The following DSG4 variants were observed in gnomAD, a reference collection of about 807,000 sequenced individuals.
DSG4 encodes the protein desmoglein 4.
A neutral mutation model predicts 93.1 loss-of-function variants in DSG4; 87 were observed. The ratio of observed to expected loss-of-function variants is 0.93; its 90% CI spans 0.79 to 1.12. DSG4 has a LOEUF of 1.12. DSG4 is among the 50% of genes most tolerant of loss of function. The pLI, the probability that DSG4 is intolerant of heterozygous loss-of-function variation, is 0.00. For missense variants in DSG4, 1,373 were observed against 1,285.7 expected (o/e 1.07, Z -1.04); for synonymous variants, 432 against 452.9 (o/e 0.95, Z 0.59).
chr18:31,379,294 T>G (rs951592299), intron 1 of DSG4, among the ~76,000 whole-genome samples: 1 of 152,206 alleles, frequency 6.6e-6, no homozygotes. Context: ...CATGTGAGAA[T>G]GTATGGTTAG....
chr18:31,380,798 C>T lies in DSG4; in HGVS notation c.48+3839C>T, dbSNP rs1477482462. Among the ~76,000 whole-genome samples the T allele has an allele frequency of 2.0e-5, 3 of 152,240 alleles. No individual in the cohort carries two copies. The East Asian group carries it at 5.8e-4, about 29-fold the overall frequency. ...GTAAGTCATAGAGATGAAACAGTAG[C>T]CTTGTTCTGTAGCTACTACTTTAAA... On this transcript the variant is annotated intron_variant, in intron 1 of 15. Coordinates refer to ENST00000308128, the MANE Select transcript of DSG4 (RefSeq NM_177986.5).
At chr18:31,405,968 T>A in intron 11 of DSG4, 109 bp from the exon 12 acceptor site, 2 of 1,222,590 alleles carry the variant, frequency 1.6e-6, no homozygotes, top group South Asian at 2.6e-5. Flanking sequence ...TAAGAAAGCA[T>A]GAAAAATCTA....
chr18:31,393,358 A>G (rs1194476857), intron 8 of DSG4, among the ~76,000 whole-genome samples: 1 of 152,196 alleles, frequency 6.6e-6, no homozygotes, highest in Non-Finnish European at 1.5e-5. Context: ...TATAAAGAAA[A>G]GAGGTTCAGT....
chr18:31,391,683 C>CA (rs2072251676), intron 7 of DSG4, among the ~76,000 whole-genome samples: 1 of 147,320 alleles, frequency 6.8e-6, no homozygotes. Context: ...AACAAAAAAA[C>CA]AAAACAAAAA....
At position 31,400,862 on chromosome 18, in the gene DSG4, C is replaced by T. The variant is rs776581305; in HGVS notation, c.1278-19C>T. 1 of 1,610,268 alleles carries T rather than the reference C, an allele frequency of 6.2e-7. No homozygotes were observed. Among genetic ancestry groups the T allele is most frequent in the East Asian group, 2.2e-5 (1 of 44,682 alleles). On this transcript the variant is annotated intron_variant, in intron 9 of 15. Coordinates refer to ENST00000308128, the MANE Select transcript of DSG4 (RefSeq NM_177986.5). ...ACTTTCATAAAAGCATGATAACGAA[C>T]TTTTTTATTTAAAAACAGATATATC...
At chr18:31,409,716 GT>G in intron 13 of DSG4, 28 bp from the exon 14 acceptor site, 1 of 1,614,050 alleles carries the variant, frequency 6.2e-7, no homozygotes, top group Non-Finnish European at 8.5e-7. Flanking sequence ...TAAAGCGTTT[GT>G]TTTTAAAATG....
intron 14 of DSG4, among the ~76,000 whole-genome samples, chr18:31,410,840 A>G (rs982732715): frequency 4.6e-5 from 7 of 152,180 alleles, no homozygotes; most frequent in African/African-American, 9.7e-5. Flanking sequence ...TCCGGAGTGA[A>G]GGAGGACTAT....
At chr18:31,405,119 A>G (rs1165515532) in intron 11 of DSG4, among the ~76,000 whole-genome samples, 3 of 152,218 alleles carry the variant, frequency 2.0e-5, no homozygotes, top group Non-Finnish European at 4.4e-5. Context: ...TGAGGATAAT[A>G]AACCATCATA....
intron 8 of DSG4, among the ~76,000 whole-genome samples, chr18:31,398,351 G>A (rs899922132): frequency 2.6e-5 from 4 of 152,134 alleles, no homozygotes; most frequent in Non-Finnish European, 5.9e-5. Context: ...GTAAATTTCT[G>A]TGAATGTTTT....
chr18:31,400,604 A>C (rs1425280465), intron 9 of DSG4, among the ~76,000 whole-genome samples: 1 of 152,106 alleles, frequency 6.6e-6, no homozygotes, highest in Non-Finnish European at 1.5e-5. Flanking sequence ...CTATGATTTA[A>C]TAAATAGAGC....
chr18:31,388,354 A>AT lies in DSG4; in HGVS notation c.217-8dup. 1 of 1,612,512 alleles carries AT rather than the reference A, an allele frequency of 6.2e-7. No individual in the cohort carries two copies. The highest frequency in any genetic ancestry group is 8.5e-7 in the Non-Finnish European group (1 of 1,179,204). ...TCTAAACTGGATCACAATCCTAGCT[A>AT]TTTTTCTTATAGATTCGATCAGACT... On this transcript the variant is annotated splice_polypyrimidine_tract_variant and intron_variant, in intron 3 of 15. Coordinates refer to ENST00000308128, the MANE Select transcript of DSG4 (RefSeq NM_177986.5).
At chr18:31,401,954 C>T (rs986325699) in intron 10 of DSG4, among the ~76,000 whole-genome samples, 1 of 151,960 alleles carries the variant, frequency 6.6e-6, no homozygotes, top group African/African-American at 2.4e-5. Context: ...TAAATTTTAA[C>T]GCCTGGGTCA....
intron 10 of DSG4, among the ~76,000 whole-genome samples, chr18:31,402,218 A>C (rs2072375803): frequency 6.6e-6 from 1 of 152,232 alleles, no homozygotes; most frequent in Non-Finnish European, 1.5e-5. Flanking sequence ...ACTGGCACAG[A>C]GCTATCTGAA....
chr18:31,407,142 A>C lies in DSG4; in HGVS notation c.1933+769A>C, dbSNP rs373155071. 3.8e-3 allele frequency among the ~76,000 whole-genome samples: 577 copies of C among 151,542 alleles called. 2 individuals carry two copies. The highest frequency in any genetic ancestry group is 9.1e-3 in the African/African-American group (371 of 40,984). ...AAAGGTAATCAAACACACACACACA[A>C]AAAAAAACCACACACACAAACAAAA... On this transcript the variant is annotated intron_variant, in intron 12 of 15. Transcript: ENST00000308128.
chr18:31,403,274 C>T, intron 10 of DSG4, 142 bp from the exon 11 acceptor site: 1 of 713,272 alleles, frequency 1.4e-6, no homozygotes. Context: ...GACTTTGGGT[C>T]ACTGAAGCGG....
intron 1 of DSG4, among the ~76,000 whole-genome samples, chr18:31,378,453 C>T (rs1304892658): frequency 6.6e-6 from 1 of 152,072 alleles, no homozygotes; most frequent in African/African-American, 2.4e-5. Flanking sequence ...TAAATCTTGC[C>T]TCCCATTGCC....
chr18:31,398,868 A>T (rs2072333499), intron 8 of DSG4, among the ~76,000 whole-genome samples: 1 of 152,148 alleles, frequency 6.6e-6, no homozygotes, highest in Admixed American at 6.5e-5. Context: ...AGATTCTCAG[A>T]TGTGAGTTCT....
At chr18:31,397,648 G>A (rs771981550) in intron 8 of DSG4, among the ~76,000 whole-genome samples, 1 of 152,114 alleles carries the variant, frequency 6.6e-6, no homozygotes, top group Non-Finnish European at 1.5e-5. Context: ...TCTGTTCAAT[G>A]GGGAGAGAAC....
chr18:31,413,097 C>T lies in DSG4; in HGVS notation c.2625C>T (p.Tyr875=), dbSNP rs1464836092. 3 of 1,614,014 alleles carry T rather than the reference C, an allele frequency of 1.9e-6. No individual in the cohort carries two copies. In the African/African-American group the frequency reaches 4.0e-5, roughly 22 times the overall value. The part of the protein sequence containing the change: ...STDLPLLGPN[Y]FVNESSGLTP... ...ACCTCCCTTTGCTCGGACCTAATTA[C>T]TTTGTTAATGAATCTTCAGGATTGA... Residue 875 remains tyrosine (Y), a synonymous_variant, in exon 16 of 16, where the codon TAC becomes TAT. Transcript: ENST00000308128.
Sources: allele counts gnomAD v4.1 joint callset (sites outside exome capture counted in the v4.1 genomes callset), GRCh38; gene constraint gnomAD v4.1.1; transcripts MANE v1.5; gene names NCBI Gene and HGNC (gene_info 2026-07-23, HGNC 2026-07-21).